The following CLPB variants were observed in gnomAD, a reference collection of about 807,000 sequenced individuals.
CLPB encodes the protein ClpB family mitochondrial disaggregase.
A neutral mutation model predicts 78.4 loss-of-function variants in CLPB; 40 were observed. The ratio of observed to expected loss-of-function variants is 0.51; its 90% CI spans 0.40 to 0.66. CLPB has a LOEUF of 0.66. Among genes scored for constraint, CLPB ranks in the 30% least tolerant of loss-of-function variants. The pLI, the probability that CLPB is intolerant of heterozygous loss-of-function variation, is 0.00. For missense variants in CLPB, 780 were observed against 886.9 expected (o/e 0.88, Z 1.53); for synonymous variants, 333 against 348.0 (o/e 0.96, Z 0.48).
chr11:72,334,150 A>G (rs1213191535), intron 5 of CLPB, among the ~76,000 whole-genome samples: 2 of 152,222 alleles, frequency 1.3e-5, no homozygotes, highest in Non-Finnish European at 1.5e-5. Context: ...AGTGATCTAT[A>G]TTTGCTTACA....
chr11:72,360,510 G>C (rs1425517400), intron 4 of CLPB, among the ~76,000 whole-genome samples: 1 of 151,946 alleles, frequency 6.6e-6, no homozygotes, highest in Non-Finnish European at 1.5e-5. Flanking sequence ...GGCGCGATCT[G>C]GCTCAATGCA....
intron 6 of CLPB, among the ~76,000 whole-genome samples, chr11:72,325,972 T>C (rs1950127130): frequency 6.6e-6 from 1 of 152,190 alleles, no homozygotes; most frequent in African/African-American, 2.4e-5. Context: ...GCTAATACAG[T>C]ATCATAAGAG....
At chr11:72,327,012 A>G (rs889817103) in intron 6 of CLPB, among the ~76,000 whole-genome samples, 5 of 152,244 alleles carry the variant, frequency 3.3e-5, no homozygotes, top group Non-Finnish European at 7.3e-5. Flanking sequence ...CAGTGGACAC[A>G]TTCAGAATGG....
intron 2 of CLPB, among the ~76,000 whole-genome samples, chr11:72,407,737 C>T (rs1308895761): frequency 6.6e-6 from 1 of 151,934 alleles, no homozygotes; most frequent in Non-Finnish European, 1.5e-5. Context: ...AGCTCCGCCT[C>T]CCGAGTTCAC....
intron 5 of CLPB, among the ~76,000 whole-genome samples, chr11:72,332,514 AAAG>A (rs1198498137): frequency 2.0e-5 from 3 of 152,134 alleles, no homozygotes; most frequent in Non-Finnish European, 4.4e-5. Flanking sequence ...AGGAAAAAGG[AAAG>A]AAAAAAGGAA....
Position 72,430,356 on chromosome 11 carries a change from G to C in CLPB, c.411C>G (p.Ala137=), listed in dbSNP as rs1316864175. ...YSKSPSNKDA[A]LLEAARANNM... is the part of the protein sequence containing the mutation. ...TGTTGGCACGGGCAGCTTCCAACAG[G>C]GCTGCATCTGAAGAGAAAGGGGGCA... The change falls in exon 2 of 16, where the codon GCC becomes GCG. Residue 137 remains alanine (A), a synonymous_variant. Transcript: ENST00000538039. 1 of 1,613,106 alleles carries C rather than the reference G, an allele frequency of 6.2e-7. No individual in the cohort carries two copies. The highest frequency in any genetic ancestry group is 2.2e-5 in the East Asian group (1 of 44,860).
At chr11:72,414,560 T>A (rs1205823062) in intron 2 of CLPB, among the ~76,000 whole-genome samples, 1 of 152,164 alleles carries the variant, frequency 6.6e-6, no homozygotes, top group African/African-American at 2.4e-5. Context: ...CGGGCAAAGG[T>A]GTGGCCTTCA....
intron 4 of CLPB, among the ~76,000 whole-genome samples, chr11:72,367,879 ATT>A (rs766888842): frequency 1.8e-4 from 27 of 152,246 alleles, no homozygotes; most frequent in Non-Finnish European, 3.4e-4. Context: ...TGTATAATTC[ATT>A]TTCTTTCTTT....
chr11:72,302,328 C>CA lies in CLPB; in HGVS notation c.1142dup (p.Met381IlefsTer24). ...CCTCGTGTCGCTCCTGGAACTCGGACATGTCCAGCCTGATGAAGCCCTGTG... is the reference window on the plus strand; with the variant it reads ...CCTCGTGTCGCTCCTGGAACTCGGACAATGTCCAGCCTGATGAAGCCCTGTG... On this transcript the variant is annotated frameshift_variant, in exon 10 of 16. Coordinates refer to ENST00000538039, the MANE Select transcript of CLPB (RefSeq NM_001258392.3). LOFTEE classifies it high-confidence loss of function. 6.2e-7 allele frequency: 1 copy of CA among 1,614,180 alleles called. No individual in the cohort carries two copies. Among genetic ancestry groups the CA allele is most frequent in the Non-Finnish European group, 8.5e-7 (1 of 1,180,030 alleles).
chr11:72,406,526 T>A lies in CLPB; in HGVS notation c.456-3474A>T, dbSNP rs1855715048. ...GACCTCTGGGATAATAATCTCTAAG[T>A]TGCAAGATCCCAGCCTTGGCATATA... On this transcript the variant is annotated intron_variant, in intron 2 of 15. Coordinates refer to ENST00000538039, the MANE Select transcript of CLPB (RefSeq NM_001258392.3). 2.0e-5 allele frequency among the ~76,000 whole-genome samples: 3 copies of A among 152,204 alleles called. No individual in the cohort carries two copies. The South Asian group carries it at 6.2e-4, about 32-fold the overall frequency.
intron 4 of CLPB, among the ~76,000 whole-genome samples, chr11:72,362,109 T>G (rs1950850698): frequency 6.6e-6 from 1 of 152,228 alleles, no homozygotes; most frequent in Admixed American, 6.5e-5. Context: ...CCTCTGAGCT[T>G]TTGTAAATAC....
At chr11:72,420,934 C>G (rs964179230) in intron 2 of CLPB, among the ~76,000 whole-genome samples, 1 of 152,134 alleles carries the variant, frequency 6.6e-6, no homozygotes, top group Non-Finnish European at 1.5e-5. Flanking sequence ...CCAAGGCGGG[C>G]GGATCACCAG....
At chr11:72,368,763 A>ACATGTC (rs1486313819) in intron 4 of CLPB, among the ~76,000 whole-genome samples, 1 of 152,188 alleles carries the variant, frequency 6.6e-6, no homozygotes, top group African/African-American at 2.4e-5. Context: ...TGTGTCTTCA[A>ACATGTC]CATGTCTTTA....
intron 7 of CLPB, chr11:72,310,923 G>T (rs572684161): frequency 2.0e-4 from 30 of 152,190 alleles, no homozygotes; most frequent in African/African-American, 7.0e-4. Flanking sequence ...ACTGTTCCCC[G>T]CTTCTTTTCT....
rs762304427 is a variant in CLPB at position 72,316,834 on chromosome 11, A to C, written c.988+272T>G. Among the ~76,000 whole-genome samples the C allele has an allele frequency of 2.4e-4, 37 of 152,198 alleles. 1 individual carries two copies. Among genetic ancestry groups the C allele is most frequent in the Non-Finnish European group, 4.9e-4 (33 of 68,026 alleles). On this transcript the variant is annotated intron_variant, in intron 7 of 15. Transcript: ENST00000538039. The stretch of plus-strand genomic sequence containing the variant: ...ACGGTCAGAGTTAAATTCTATGCAT[A>C]GGAAAGCAGCCTCGAGCAAGTGATT...
intron 3 of CLPB, among the ~76,000 whole-genome samples, chr11:72,395,862 AG>A (rs1855391055): frequency 6.6e-6 from 1 of 152,160 alleles, no homozygotes; most frequent in African/African-American, 2.4e-5. Flanking sequence ...AGAGCCTCCC[AG>A]GGAGGCTGCC....
chr11:72,431,652 A>G (rs974045555), intron 1 of CLPB, among the ~76,000 whole-genome samples: 12 of 152,186 alleles, frequency 7.9e-5, no homozygotes, highest in African/African-American at 2.9e-4. Context: ...GACAGCCACC[A>G]GCTGGGAGGG....
At chr11:72,407,999 C>G in intron 2 of CLPB, 2 of 822,202 alleles carry the variant, frequency 2.4e-6, no homozygotes, top group Admixed American at 2.2e-5. Context: ...TCTGGCTAAG[C>G]TTTGTCTCTT....
chr11:72,402,869 A>G, intron 3 of CLPB, 97 bp downstream of exon 3: 1 of 943,322 alleles, frequency 1.1e-6, no homozygotes, highest in Non-Finnish European at 1.7e-6. Flanking sequence ...TGCCTCTGGA[A>G]AAGACAGCAG....
Sources: gnomAD v4.1 joint callset for allele counts (sites outside exome capture counted in the v4.1 genomes callset) on GRCh38, gnomAD v4.1.1 for gene constraint, MANE v1.5 for transcripts, NCBI Gene and HGNC (gene_info 2026-07-23, HGNC 2026-07-21) for gene names.